PCOLCE2: variants seen among roughly 807,000 people sequenced by gnomAD.
PCOLCE2 encodes procollagen C-endopeptidase enhancer 2, also known as procollagen C-proteinase enhancer 2.
PCOLCE2 carries 42 observed loss-of-function variants against 47.0 expected under a neutral mutation model. The ratio of observed to expected loss-of-function variants is 0.89; its 90% CI spans 0.70 to 1.16. The LOEUF (loss-of-function observed/expected upper bound fraction) is 1.16, where lower values mean the gene tolerates loss of function less well. PCOLCE2 is among the 50% of genes most tolerant of loss of function. The pLI, the probability that PCOLCE2 is intolerant of heterozygous loss-of-function variation, is 0.00. For synonymous variants in PCOLCE2, 169 were observed against 191.7 expected (o/e 0.88, Z 0.98); for missense variants, 500 against 526.1 (o/e 0.95, Z 0.49).
At chr3:142,879,773 T>C (rs915708028) in intron 2 of PCOLCE2, among the ~76,000 whole-genome samples, 2 of 151,872 alleles carry the variant, frequency 1.3e-5, no homozygotes, top group Non-Finnish European at 2.9e-5. Flanking sequence ...ATCGAGACCA[T>C]CCTGGCTAAC....
At position 142,888,842 on chromosome 3, in the gene PCOLCE2, G is replaced by C; in HGVS notation, c.55C>G (p.Gln19Glu). 6.5e-7 allele frequency: 1 copy of C among 1,546,838 alleles called. No homozygotes were observed. Among genetic ancestry groups the C allele is most frequent in the Non-Finnish European group, 8.7e-7 (1 of 1,149,192 alleles). Residue 19 changes from glutamine (Q) to glutamate (E), a missense_variant, in exon 1 of 9, where the codon CAG becomes GAG. By Grantham distance (29) the Gln-to-Glu change is conservative. Transcript: ENST00000295992. Reference protein sequence around the residue: ...PLCLLLAAATQLSRQQSPERP... With the variant: ...PLCLLLAAATELSRQQSPERP... The stretch of plus-strand genomic sequence containing the variant: ...TCTGGGGACTGCTGCCGCGAGAGCT[G>C]GGTGGCGGCAGCCAGCAGCAGGCAG...
intron 6 of PCOLCE2, chr3:142,827,559 C>T (rs1937097064): frequency 6.8e-7 from 1 of 1,474,694 alleles, no homozygotes; most frequent in Admixed American, 1.7e-5. Context: ...ATGGTGCCCA[C>T]AGGGAGCACA....
At chr3:142,879,835 T>TG (rs889410506) in intron 2 of PCOLCE2, among the ~76,000 whole-genome samples, 15 of 150,990 alleles carry the variant, frequency 9.9e-5, no homozygotes, top group African/African-American at 1.7e-4. Context: ...GCAGGCGTGG[T>TG]GGGGGGGCGC....
At chr3:142,829,099 T>C (rs761998957) in intron 6 of PCOLCE2, among the ~76,000 whole-genome samples, 2 of 152,078 alleles carry the variant, frequency 1.3e-5, no homozygotes, top group East Asian at 3.9e-4. Flanking sequence ...GTGGAGCTGA[T>C]AGGCCAGGTA....
intron 2 of PCOLCE2, among the ~76,000 whole-genome samples, chr3:142,857,846 T>G (rs1933094355): frequency 6.6e-6 from 1 of 152,178 alleles, no homozygotes; most frequent in African/African-American, 2.4e-5. Flanking sequence ...AAGTCCAAAC[T>G]CCTCAGAATC....
Position 142,818,259 on chromosome 3 carries a change from T to C in PCOLCE2, c.*76A>G, listed in dbSNP as rs1936972624. ...TTCAGAATATGTAATTTTATAAGTA[T>C]TTTTTTTTCTACTGAGAGAACATAG... On this transcript the variant is annotated 3_prime_UTR_variant, in exon 9 of 9. Coordinates refer to ENST00000295992, the MANE Select transcript of PCOLCE2 (RefSeq NM_013363.4). 2 of 1,244,760 alleles carry C rather than the reference T, an allele frequency of 1.6e-6. No individual in the cohort carries two copies. Among genetic ancestry groups the C allele is most frequent in the Non-Finnish European group, 2.3e-6 (2 of 876,304 alleles). 77.1% of individuals were successfully genotyped at this position (1,244,760 alleles called of 1,614,324 possible).
chr3:142,862,608 G>A (rs1047199908), intron 2 of PCOLCE2, among the ~76,000 whole-genome samples: 1 of 152,096 alleles, frequency 6.6e-6, no homozygotes, highest in Non-Finnish European at 1.5e-5. Flanking sequence ...ATCTTTATTA[G>A]GACATAATAA....
chr3:142,834,127 T>C (rs1463569826), intron 5 of PCOLCE2, among the ~76,000 whole-genome samples: 1 of 152,196 alleles, frequency 6.6e-6, no homozygotes, highest in African/African-American at 2.4e-5. Context: ...GTTTCTGGCC[T>C]CTCCTTGTTG....
intron 5 of PCOLCE2, 141 bp downstream of exon 5, chr3:142,838,629 C>A (rs886695312): frequency 7.1e-6 from 5 of 700,524 alleles, no homozygotes; most frequent in Non-Finnish European, 9.7e-6. Flanking sequence ...TACAGCAGTG[C>A]GAGAACTAAT....
At chr3:142,846,786 C>A (rs1937333093) in intron 3 of PCOLCE2, 1 of 152,044 alleles carries the variant, frequency 6.6e-6, no homozygotes, top group Admixed American at 6.5e-5. Flanking sequence ...GATCCTGTTT[C>A]TTTTATCTCT....
At chr3:142,849,551 G>A (rs140012403) in intron 2 of PCOLCE2, among the ~76,000 whole-genome samples, 70 of 152,120 alleles carry the variant, frequency 4.6e-4, no homozygotes, top group African/African-American at 1.6e-3. Flanking sequence ...AGAAAAAATG[G>A]CTATAAAAGC....
intron 2 of PCOLCE2, among the ~76,000 whole-genome samples, chr3:142,870,328 C>G (rs1300920486): frequency 6.6e-6 from 1 of 152,200 alleles, no homozygotes; most frequent in Non-Finnish European, 1.5e-5. Context: ...AAAAAGTGGA[C>G]TGTTTAAATT....
At chr3:142,834,088 G>A (rs953826523) in intron 5 of PCOLCE2, among the ~76,000 whole-genome samples, 10 of 151,994 alleles carry the variant, frequency 6.6e-5, no homozygotes, top group South Asian at 2.1e-4. Context: ...TCTCTGTGAC[G>A]GGCCCAATCT....
At position 142,848,345 on chromosome 3, in the gene PCOLCE2, C is replaced by A. The variant is rs375923649; in HGVS notation, c.320G>T (p.Cys107Phe). ...AAGGGCTCCAGGCCGGAAAGTGCCA[C>A]AGAAGCGGCCAATGCGCTGGCCATT... ...HANGQRIGRFCGTFRPGALVS... is the reference protein window; with the variant it reads ...HANGQRIGRFFGTFRPGALVS... The change falls in exon 3 of 9, where the codon TGT (cysteine) becomes TTT (phenylalanine). Residue 107 changes from cysteine to phenylalanine, a missense_variant. Coordinates refer to ENST00000295992, the MANE Select transcript of PCOLCE2 (RefSeq NM_013363.4). 2.5e-6 allele frequency: 4 copies of A among 1,614,142 alleles called. No homozygotes were observed. The highest frequency in any genetic ancestry group is 2.5e-6 in the Non-Finnish European group (3 of 1,180,060).
intron 3 of PCOLCE2, among the ~76,000 whole-genome samples, chr3:142,847,488 T>C (rs139321734): frequency 7.0e-4 from 107 of 152,318 alleles, no homozygotes; most frequent in Admixed American, 1.8e-3. Context: ...AAAGTAGAGA[T>C]TTCTACGCTT....
chr3:142,875,387 TTC>T (rs1256714678), intron 2 of PCOLCE2, among the ~76,000 whole-genome samples: 7 of 152,224 alleles, frequency 4.6e-5, no homozygotes, highest in Non-Finnish European at 1.0e-4. Context: ...ACCAGGTTTT[TTC>T]TCTTTTACTT....
At chr3:142,838,541 C>T (rs1160737848) in intron 5 of PCOLCE2, among the ~76,000 whole-genome samples, 3 of 152,120 alleles carry the variant, frequency 2.0e-5, no homozygotes. Context: ...AAGCCTCATG[C>T]TTCCTGTACA....
At chr3:142,837,362 T>C (rs1937215210) in intron 5 of PCOLCE2, among the ~76,000 whole-genome samples, 1 of 152,206 alleles carries the variant, frequency 6.6e-6, no homozygotes, top group African/African-American at 2.4e-5. Context: ...AACTTAGAAA[T>C]AGGCCCTTCT....
intron 6 of PCOLCE2, among the ~76,000 whole-genome samples, chr3:142,828,508 C>A (rs998905392): frequency 6.6e-6 from 1 of 151,868 alleles, no homozygotes; most frequent in African/African-American, 2.4e-5. Flanking sequence ...GTGGTGGGAG[C>A]GGGGTAGGGC....
Sources: allele counts gnomAD v4.1 joint callset (sites outside exome capture counted in the v4.1 genomes callset), GRCh38; gene constraint gnomAD v4.1.1; transcripts MANE v1.5; gene names NCBI Gene and HGNC (gene_info 2026-07-23, HGNC 2026-07-21).